IGSF21: variants seen among roughly 807,000 people sequenced by gnomAD.
The protein encoded by IGSF21 is immunoglobin superfamily member 21.
IGSF21 carries 28 observed loss-of-function variants against 46.8 expected under a neutral mutation model. The observed-to-expected ratio is 0.60, with a 90% CI of 0.44 to 0.82. The LOEUF is 0.82. Among genes scored for constraint, IGSF21 ranks in the 40% least tolerant of loss-of-function variants. The pLI, the probability that IGSF21 is intolerant of heterozygous loss-of-function variation, is 0.00. For synonymous variants in IGSF21, 284 were observed against 273.6 expected (o/e 1.04, Z -0.38); for missense variants, 624 against 665.5 (o/e 0.94, Z 0.69).
Position 18,365,088 on chromosome 1 carries a change from TG to T in IGSF21, c.541-131del. 2 of 659,960 alleles carry T rather than the reference TG, an allele frequency of 3.0e-6. No homozygotes were observed. Among genetic ancestry groups the T allele is most frequent in the Non-Finnish European group, 2.6e-6 (1 of 380,008 alleles). The allele number at this position is 659,960 out of a possible 1,614,324, so 40.9% of individuals were successfully genotyped here. Reference sequence around the variant, plus strand: ...CTTGGGGGTGTTGAAGGGAAAAGAGTGGGGTGAGGGCTACTGTCTAGACTAC... The same window carrying T: ...CTTGGGGGTGTTGAAGGGAAAAGAGTGGGTGAGGGCTACTGTCTAGACTAC... On this transcript the variant is annotated intron_variant, in intron 5 of 9. Transcript: ENST00000251296. This position sits in a 1 kb window ranked among gnomAD's most constrained non-coding sequence, Gnocchi z 4.8.
intron 1 of IGSF21, chr1:18,114,386 G>A (rs1235510342): frequency 6.6e-6 from 1 of 152,208 alleles, no homozygotes; most frequent in Non-Finnish European, 1.5e-5. Flanking sequence ...TGTTTGTTTG[G>A]GTGATTAGGC....
chr1:18,211,640 A>C (rs532026239), intron 1 of IGSF21, among the ~76,000 whole-genome samples: 3 of 152,316 alleles, frequency 2.0e-5, no homozygotes, highest in African/African-American at 7.2e-5. Flanking sequence ...ATTATTATTT[A>C]ATGTAGGCCT....
At chr1:18,214,397 C>A (rs941708371) in intron 1 of IGSF21, among the ~76,000 whole-genome samples, 4 of 152,132 alleles carry the variant, frequency 2.6e-5, no homozygotes, top group African/African-American at 7.2e-5. Flanking sequence ...AGATGCTCCC[C>A]CTCTGATGTT....
chr1:18,203,929 G>T (rs1336534123), intron 1 of IGSF21, among the ~76,000 whole-genome samples: 2 of 152,128 alleles, frequency 1.3e-5, no homozygotes, highest in Non-Finnish European at 2.9e-5. Context: ...TTAGCTGGTG[G>T]GTCCTACAGA....
intron 1 of IGSF21, among the ~76,000 whole-genome samples, chr1:18,147,495 A>G (rs1022420654): frequency 6.6e-5 from 10 of 152,028 alleles, no homozygotes; most frequent in South Asian, 2.1e-4. Flanking sequence ...GCACCGAGAA[A>G]TACCTTCCCT....
intron 3 of IGSF21, among the ~76,000 whole-genome samples, chr1:18,302,420 A>C (rs375472711): frequency 3.9e-5 from 6 of 152,176 alleles, no homozygotes; most frequent in African/African-American, 1.4e-4. Context: ...AGCTCCACAG[A>C]GGACCGGCAC....
intron 2 of IGSF21, among the ~76,000 whole-genome samples, chr1:18,289,101 C>T (rs1019835652): frequency 9.9e-5 from 15 of 151,910 alleles, no homozygotes; most frequent in Non-Finnish European, 2.1e-4. Flanking sequence ...CCCTCAGTCT[C>T]GGCGAATAAA....
intron 1 of IGSF21, among the ~76,000 whole-genome samples, chr1:18,170,051 A>G (rs1247628695): frequency 1.3e-5 from 2 of 152,182 alleles, no homozygotes; most frequent in African/African-American, 4.8e-5. Flanking sequence ...ATCTGTCACA[A>G]GCCCCAGCCC....
Position 18,338,319 on chromosome 1 carries a change from A to G in IGSF21, c.424+3309A>G, listed in dbSNP as rs550182697. Among the ~76,000 whole-genome samples the G allele has an allele frequency of 2.0e-5, 3 of 152,268 alleles. No individual in the cohort carries two copies. The East Asian group carries it at 5.8e-4, about 29-fold the overall frequency. ...AGGTTTCAAAAATTAAAATCGACTC[A>G]TTGCTTTGGTTCATCTGTGGCATTG... On this transcript the variant is annotated intron_variant, in intron 4 of 9. Coordinates refer to ENST00000251296, the MANE Select transcript of IGSF21 (RefSeq NM_032880.5).
rs373114811 is a variant in IGSF21 at position 18,159,872 on chromosome 1, T to A, written c.70+51674T>A. On this transcript the variant is annotated intron_variant, in intron 1 of 9. Coordinates refer to ENST00000251296, the MANE Select transcript of IGSF21 (RefSeq NM_032880.5). ...AATTTTTTGAATTTTTGGTAGAGAT[T>A]GGATTTCATCACATTGGGCAGGCTG... is the stretch of plus-strand genomic sequence containing the variant. Among the ~76,000 whole-genome samples, 23 of 152,124 alleles carry A rather than the reference T, an allele frequency of 1.5e-4. No homozygotes were observed. In the East Asian group the frequency reaches 2.1e-3, roughly 14 times the overall value.
At chr1:18,362,284 CG>C in intron 5 of IGSF21, 54 bp downstream of exon 5, 4 of 1,302,908 alleles carry the variant, frequency 3.1e-6, no homozygotes, top group South Asian at 1.3e-5. Flanking sequence ...CACCCTGCTT[CG>C]GGGCTGGTCC....
intron 1 of IGSF21, among the ~76,000 whole-genome samples, chr1:18,161,366 A>G (rs2086620449): frequency 6.6e-6 from 1 of 152,004 alleles, no homozygotes; most frequent in African/African-American, 2.4e-5. Flanking sequence ...GCTGTGAATG[A>G]CCCTTGGAGA....
intron 1 of IGSF21, among the ~76,000 whole-genome samples, chr1:18,141,811 G>A (rs2086417592): frequency 6.6e-6 from 1 of 152,162 alleles, no homozygotes; most frequent in South Asian, 2.1e-4. Context: ...GCTCATACCT[G>A]TAATCCCAGC....
intron 6 of IGSF21, chr1:18,375,972 G>A (rs1166906209): frequency 1.6e-5 from 4 of 243,984 alleles, no homozygotes; most frequent in Non-Finnish European, 3.4e-5. Context: ...CTGTCCACTG[G>A]GCCTCTCTGA....
At chr1:18,145,467 C>A (rs1402898753) in intron 1 of IGSF21, among the ~76,000 whole-genome samples, 1 of 152,114 alleles carries the variant, frequency 6.6e-6, no homozygotes, top group Non-Finnish European at 1.5e-5. Context: ...GAGCCCCCAG[C>A]CCCTCCTGGT....
chr1:18,159,407 C>G (rs1297353193), intron 1 of IGSF21, among the ~76,000 whole-genome samples: 2 of 152,182 alleles, frequency 1.3e-5, no homozygotes, highest in Non-Finnish European at 2.9e-5. Flanking sequence ...GGCTGTGTCC[C>G]CACCCAAATC....
chr1:18,363,495 G>A (rs541571084), intron 5 of IGSF21, among the ~76,000 whole-genome samples: 8 of 67,878 alleles, frequency 1.2e-4, no homozygotes, highest in East Asian at 1.1e-3. Flanking sequence ...AGATACAGGT[G>A]AGGCAGTGGG....
intron 1 of IGSF21, among the ~76,000 whole-genome samples, chr1:18,225,085 T>TCACACACACACACACACACACACA (rs529286231): frequency 1.9e-5 from 1 of 51,582 alleles, no homozygotes; most frequent in Non-Finnish European, 4.0e-5. Context: ...TCTCTCTCTC[T>TCACACACACACACACACACACACA]CACACACACA....
intron 4 of IGSF21, among the ~76,000 whole-genome samples, chr1:18,351,600 T>C (rs1282688397): frequency 6.6e-6 from 1 of 152,170 alleles, no homozygotes. Flanking sequence ...GCTGGTGCTC[T>C]GCTACTGGCC....
Sources: allele counts gnomAD v4.1 joint callset (sites outside exome capture counted in the v4.1 genomes callset), GRCh38; gene constraint gnomAD v4.1.1; non-coding constraint Gnocchi (gnomAD v3.1); transcripts MANE v1.5; gene names NCBI Gene and HGNC (gene_info 2026-07-23, HGNC 2026-07-21).